Variants in DNAH8 observed in about 807,000 individuals in gnomAD.
The protein encoded by DNAH8 is dynein axonemal heavy chain 8.
A neutral mutation model predicts 562.1 loss-of-function variants in DNAH8; 382 were observed. The observed-to-expected ratio is 0.68, with a 90% confidence interval of 0.63 to 0.74. DNAH8 has a LOEUF of 0.74. Ranked by LOEUF, DNAH8 falls within the 30% of genes least tolerant of loss-of-function variation. DNAH8 has a pLI of 0.00. For synonymous variants in DNAH8, 1,881 were observed against 1,919.4 expected, an observed-to-expected ratio of 0.98 and a Z score of 0.52; for missense variants, 5,203 against 5,620.4, an observed-to-expected ratio of 0.93 and a Z score of 2.37.
At chr6:38,845,024 G>A (rs2150376462) in intron 35 of DNAH8, among the ~76,000 whole-genome samples, 1 of 151,910 alleles carries the variant, frequency 6.6e-6, no homozygotes, top group South Asian at 2.1e-4. Context: ...GCATTGTGGG[G>A]AAAATATGTT....
intron 7 of DNAH8, 46 bp from the exon 8 acceptor site, chr6:38,741,662 CAAA>C (rs768349241): frequency 1.9e-5 from 28 of 1,467,150 alleles, no homozygotes; most frequent in Non-Finnish European, 2.2e-5. Flanking sequence ...CAGATTTTAA[CAAA>C]GAAGAATGTA....
At chr6:38,748,761 T>C (rs1765172386) in intron 8 of DNAH8, among the ~76,000 whole-genome samples, 1 of 146,432 alleles carries the variant, frequency 6.8e-6, no homozygotes, top group South Asian at 2.1e-4. Flanking sequence ...CTCAAAATAA[T>C]AATAATAATA....
intron 21 of DNAH8, among the ~76,000 whole-genome samples, chr6:38,800,205 A>G (rs1371821825): frequency 6.6e-6 from 1 of 151,502 alleles, no homozygotes; most frequent in African/African-American, 2.4e-5. Context: ...CTGCGAACAT[A>G]AGTGTCTATT....
chr6:38,782,044 A>G (rs1398509906), intron 16 of DNAH8, among the ~76,000 whole-genome samples: 1 of 152,088 alleles, frequency 6.6e-6, no homozygotes, highest in African/African-American at 2.4e-5. Flanking sequence ...TTTGCAAGTA[A>G]TTGTATTATT....
chr6:38,729,151 C>T lies in DNAH8; in HGVS notation c.526-751C>T, dbSNP rs534843022. ...CTGGGAGGTAGAGGTTGCAGTGAGC[C>T]GAGATCGCGCTACTGCACTCCAGCC... On this transcript the variant is annotated intron_variant, in intron 3 of 92. Coordinates refer to ENST00000327475, the MANE Select transcript of DNAH8 (RefSeq NM_001206927.2). 4.6e-5 allele frequency among the ~76,000 whole-genome samples: 7 copies of T among 152,108 alleles called. 1 individual carries two copies. In the East Asian group the frequency reaches 7.7e-4, roughly 17 times the overall value.
intron 30 of DNAH8, among the ~76,000 whole-genome samples, chr6:38,831,787 A>T (rs1026527856): frequency 2.6e-5 from 4 of 152,210 alleles, no homozygotes; most frequent in African/African-American, 9.7e-5. Context: ...GGTTGTTACA[A>T]AGATTAAAAG....
At chr6:38,861,101 C>T (rs1340051253) in intron 43 of DNAH8, among the ~76,000 whole-genome samples, 1 of 152,146 alleles carries the variant, frequency 6.6e-6, no homozygotes, top group Non-Finnish European at 1.5e-5. Context: ...TTTTTTATCC[C>T]ATGACACCCA....
chr6:38,734,633 T>A lies in DNAH8; in HGVS notation c.762+8T>A. On this transcript the variant is annotated splice_region_variant and intron_variant, in intron 5 of 92. Coordinates refer to ENST00000327475, the MANE Select transcript of DNAH8 (RefSeq NM_001206927.2). ...GTTAAAACTATTCAAGAGGTATGTT[T>A]AAAAATTTCCCCAAATACATAGTTA... is the stretch of plus-strand genomic sequence containing the variant. 1 of 1,608,324 alleles carries A rather than the reference T, an allele frequency of 6.2e-7. No individual in the cohort carries two copies. Among genetic ancestry groups the A allele is most frequent in the Non-Finnish European group, 8.5e-7 (1 of 1,178,604 alleles).
intron 87 of DNAH8, among the ~76,000 whole-genome samples, chr6:38,985,357 T>A (rs1486320297): frequency 1.3e-5 from 2 of 152,230 alleles, no homozygotes; most frequent in Non-Finnish European, 2.9e-5. Flanking sequence ...TATTGGAACC[T>A]ATACCGGTAA....
rs372290900 is a variant in DNAH8 at position 38,834,427 on chromosome 6, GAAAT to G, written c.4303-144_4303-141del. On this transcript the variant is annotated intron_variant, in intron 31 of 92. Transcript: ENST00000327475. ...GAATTCCATCTCAATAAAGCTGTTAGAAATAAATAAAAGCTTCAAGTACAGGACA... is the reference window on the plus strand; with the variant it reads ...GAATTCCATCTCAATAAAGCTGTTAGAAATAAAAGCTTCAAGTACAGGACA... The G allele has an allele frequency of 1.2e-3, 642 of 522,856 alleles. 6 individuals are homozygous for G. The highest frequency in any genetic ancestry group is 0.011 in the African/African-American group (546 of 50,660). 32.4% of individuals were successfully genotyped at this position (522,856 alleles called of 1,614,324 possible). A position where few individuals can be genotyped will look rare whatever the true frequency, so the allele number is the denominator to read the frequency against.
Position 38,715,389 on chromosome 6 carries a change from G to C in DNAH8, c.-61G>C, listed in dbSNP as rs1403728213. On this transcript the variant is annotated 5_prime_UTR_variant, in exon 1 of 93. Transcript: ENST00000327475. Reference sequence around the variant, plus strand: ...GCCGGCCTCAGTGGGCTGAGTGGTCGGGGCATCGGGGCCCAGAGAGCGGCT... The same window carrying C: ...GCCGGCCTCAGTGGGCTGAGTGGTCCGGGCATCGGGGCCCAGAGAGCGGCT... 6.6e-6 allele frequency: 1 copy of C among 152,364 alleles called. No homozygotes were observed. The highest frequency in any genetic ancestry group is 1.5e-5 in the Non-Finnish European group (1 of 68,138). The allele number at this position is 152,364 out of a possible 1,614,324, so 9.4% of individuals were successfully genotyped here.
chr6:38,906,404 G>T lies in DNAH8; in HGVS notation c.9345G>T (p.Gly3115=). The T allele has an allele frequency of 6.3e-7, 1 of 1,582,052 alleles. No individual in the cohort carries two copies. The highest frequency in any genetic ancestry group is 8.6e-7 in the Non-Finnish European group (1 of 1,165,654). The part of the protein sequence containing the change: ...LEYLNNLLSS[G]EISNLFARDE... ...ACCTTAACAACTTGCTATCTTCAGG[G>T]GAGGTAAGTCTCAAAAGTAGAGAAA... Residue 3115 remains glycine, a synonymous_variant, in exon 63 of 93, where the codon GGG becomes GGT. Transcript: ENST00000327475.
Position 38,848,783 on chromosome 6 carries a change from T to C in DNAH8, c.5181T>C (p.Ile1727=). ...AAGCCGTCTTTGTAGGTGGAGATAT[T>C]GCCAAACAGCTGCCTCAGGTAAATA... is the stretch of plus-strand genomic sequence containing the variant. ...YLEAVFVGGD[I]AKQLPQEAKR... is the part of the protein sequence containing the mutation. Residue 1727 remains isoleucine (I), a synonymous_variant, in exon 37 of 93, where the codon ATT becomes ATC. Transcript: ENST00000327475. 11 of 1,613,460 alleles carry C rather than the reference T, an allele frequency of 6.8e-6. No homozygotes were observed. Among genetic ancestry groups the C allele is most frequent in the Non-Finnish European group, 9.3e-6 (11 of 1,179,542 alleles).
chr6:38,744,951 T>G (rs1362263663), intron 8 of DNAH8, among the ~76,000 whole-genome samples: 1 of 152,140 alleles, frequency 6.6e-6, no homozygotes. Flanking sequence ...ATTTGTTGGA[T>G]GAAGTAATTC....
chr6:39,026,749 T>A, intron 92 of DNAH8, 82 bp downstream of exon 92: 1 of 1,483,710 alleles, frequency 6.7e-7, no homozygotes, highest in Non-Finnish European at 9.2e-7. Context: ...GAGCTATGAG[T>A]GCCTTGGTTA....
intron 91 of DNAH8, among the ~76,000 whole-genome samples, chr6:39,023,219 G>A (rs932183210): frequency 1.3e-5 from 2 of 152,192 alleles, no homozygotes; most frequent in Non-Finnish European, 2.9e-5. Context: ...AGCCAGGGGT[G>A]CAGTGGCTCA....
chr6:39,017,017 G>A (rs1409418585), intron 91 of DNAH8, among the ~76,000 whole-genome samples: 1 of 152,204 alleles, frequency 6.6e-6, no homozygotes, highest in Non-Finnish European at 1.5e-5. Context: ...AGCAATTGAT[G>A]AGCTCAACCA....
intron 3 of DNAH8, among the ~76,000 whole-genome samples, chr6:38,724,657 G>C (rs1763056910): frequency 6.6e-6 from 1 of 152,174 alleles, no homozygotes; most frequent in Admixed American, 6.5e-5. Context: ...ATGATAAATT[G>C]ATGCGGTCAC....
chr6:39,026,132 T>C (rs976751466), intron 91 of DNAH8, among the ~76,000 whole-genome samples: 4 of 152,190 alleles, frequency 2.6e-5, no homozygotes, highest in Non-Finnish European at 2.9e-5. Context: ...AATAGAAGCT[T>C]GATAATGGTT....
Sources: allele counts gnomAD v4.1 joint callset (sites outside exome capture counted in the v4.1 genomes callset), GRCh38; gene constraint gnomAD v4.1.1; transcripts MANE v1.5; gene names NCBI Gene and HGNC (gene_info 2026-07-23, HGNC 2026-07-21).